SLC1A2: variants seen among roughly 807,000 people sequenced by gnomAD.
SLC1A2 encodes the protein solute carrier family 1 member 2.
Under a neutral mutation model 48.8 loss-of-function variants are expected in SLC1A2, and 15 were observed. That is an observed-to-expected ratio of 0.31 (90% CI 0.21 to 0.47). The LOEUF is 0.47. Among genes scored for constraint, SLC1A2 ranks in the 20% least tolerant of loss-of-function variants. The probability of loss-of-function intolerance (pLI) is 0.99; values close to 1 mark genes in which losing one functional copy is unlikely to be tolerated. For synonymous variants in SLC1A2, 279 were observed against 272.6 expected (o/e 1.02, Z -0.23); for missense variants, 502 against 730.5 (o/e 0.69, Z 3.61).
rs1256347174 is a variant in SLC1A2, at chr11:35,258,628, C to T, written c.*2266G>A. On this transcript the variant is annotated 3_prime_UTR_variant, in exon 11 of 11. Transcript: ENST00000278379. Reference sequence around the variant, plus strand: ...TAAACCCAGGAACTGTCTCCTTAACCTATAACATTTGCTGTAAAGAATGTA... The same window carrying T: ...TAAACCCAGGAACTGTCTCCTTAACTTATAACATTTGCTGTAAAGAATGTA... 6.6e-6 allele frequency: 1 copy of T among 152,568 alleles called. No individual in the cohort carries two copies. Among genetic ancestry groups the T allele is most frequent in the East Asian group, 1.9e-4 (1 of 5,196 alleles). The allele number at this position is 152,568 out of a possible 1,614,324, so 9.5% of individuals were successfully genotyped here. A position where few individuals can be genotyped will look rare whatever the true frequency, so the allele number is the denominator to read the frequency against.
Position 35,254,283 on chromosome 11 carries a change from T to A in SLC1A2, c.*6611A>T, listed in dbSNP as rs1950283744. On this transcript the variant is annotated 3_prime_UTR_variant, in exon 11 of 11. Transcript: ENST00000278379. ...ATAATCTGATCTGTGTTGTGCAACA[T>A]GGAGATGCAATGCTGAGGTTTTCCA... 1 of 155,414 alleles carries A rather than the reference T, an allele frequency of 6.4e-6. No individual in the cohort carries two copies. Among genetic ancestry groups the A allele is most frequent in the South Asian group, 2.0e-4 (1 of 5,064 alleles). 9.6% of individuals were successfully genotyped at this position (155,414 alleles called of 1,614,324 possible). A position where few individuals can be genotyped will look rare whatever the true frequency, so the allele number is the denominator to read the frequency against.
chr11:35,378,634 A>C (rs894174208), intron 1 of SLC1A2, among the ~76,000 whole-genome samples: 5 of 152,236 alleles, frequency 3.3e-5, no homozygotes, highest in African/African-American at 1.2e-4. Context: ...TGAAAAAATA[A>C]GTCTGCCTGT....
intron 10 of SLC1A2, chr11:35,261,612 AC>A (rs1276579382): frequency 2.5e-6 from 1 of 398,324 alleles, no homozygotes. Flanking sequence ...AGTGAACTGA[AC>A]CTTTTTGCAG....
intron 7 of SLC1A2, among the ~76,000 whole-genome samples, chr11:35,287,537 G>C (rs1850866673): frequency 6.6e-6 from 1 of 152,216 alleles, no homozygotes; most frequent in Non-Finnish European, 1.5e-5. Context: ...GAACCTCACA[G>C]ATAGTCCAAC....
intron 2 of SLC1A2, chr11:35,315,808 A>AAAAAAAAAAAG (rs371762829): frequency 7.2e-6 from 1 of 139,366 alleles, no homozygotes; most frequent in African/African-American, 2.7e-5. Flanking sequence ...AAAAAAAAAA[A>AAAAAAAAAAAG]AAAGAAAGAA....
chr11:35,288,952 A>G (rs903922946), intron 7 of SLC1A2, among the ~76,000 whole-genome samples: 40 of 152,248 alleles, frequency 2.6e-4, no homozygotes, highest in African/African-American at 8.4e-4. Context: ...TCAAACTAGG[A>G]CTTGAGAATT....
chr11:35,419,784 C>A (rs1240544888), upstream of SLC1A2: 1 of 312,948 alleles, frequency 3.2e-6, no homozygotes, highest in Admixed American at 4.2e-5. The surrounding 1 kb of genome is among the most constrained non-coding windows in gnomAD (Gnocchi z 5.4). Flanking sequence ...CAGGTCACCC[C>A]GTGCGGGGTG....
intron 7 of SLC1A2, among the ~76,000 whole-genome samples, chr11:35,289,723 C>T (rs1850935044): frequency 6.6e-6 from 1 of 152,102 alleles, no homozygotes; most frequent in Non-Finnish European, 1.5e-5. Flanking sequence ...GAAGCTATTC[C>T]TAAGCAAAAT....
intron 1 of SLC1A2, among the ~76,000 whole-genome samples, chr11:35,382,812 C>T (rs952646193): frequency 2.6e-5 from 4 of 151,892 alleles, no homozygotes; most frequent in African/African-American, 9.7e-5. Flanking sequence ...AAAAAAAAGT[C>T]CTCCTAAAGG....
At position 35,306,111 on chromosome 11, in the gene SLC1A2, C is replaced by A. The variant is rs138489411; in HGVS notation, c.693G>T (p.Lys231Asn). 2.5e-6 allele frequency: 4 copies of A among 1,613,942 alleles called. No individual in the cohort carries two copies. The highest frequency in any genetic ancestry group is 3.4e-6 in the Non-Finnish European group (4 of 1,179,948). The stretch of plus-strand genomic sequence containing the variant: ...TCCCATCCTTGAACTCCAGGCCCTT[C>A]TTGATAACCATCTTAGTCTCCTCCG... ...EVPEETKMVI[K>N]KGLEFKDGMN... is the part of the protein sequence containing the mutation. The change falls in exon 5 of 11, where the codon AAG becomes AAT. Residue 231 changes from lysine (K) to asparagine (N), a missense_variant. By Grantham distance (94) the Lys-to-Asn change is moderately conservative (BLOSUM62 0). This residue lies in a region of SLC1A2 where 309 missense variants were observed against 480.3 expected (regional missense o/e 0.64). Coordinates refer to ENST00000278379, the MANE Select transcript of SLC1A2 (RefSeq NM_004171.4).
At chr11:35,333,428 A>T (rs1352266823) in intron 1 of SLC1A2, among the ~76,000 whole-genome samples, 1 of 151,678 alleles carries the variant, frequency 6.6e-6, no homozygotes, top group Non-Finnish European at 1.5e-5. Flanking sequence ...GGAAAAAAAA[A>T]AAAAGCAAAA....
chr11:35,279,941 T>A (rs1003419627), intron 9 of SLC1A2, among the ~76,000 whole-genome samples: 7 of 152,240 alleles, frequency 4.6e-5, no homozygotes, highest in African/African-American at 1.7e-4. Context: ...ACTATGCTTT[T>A]ATGTGTGTGC....
At chr11:35,357,836 G>C (rs1351535626) in intron 1 of SLC1A2, among the ~76,000 whole-genome samples, 5 of 152,140 alleles carry the variant, frequency 3.3e-5, no homozygotes, top group African/African-American at 1.2e-4. Context: ...AATGGTTTAA[G>C]TTCTTTTTCT....
intron 1 of SLC1A2, among the ~76,000 whole-genome samples, chr11:35,347,623 A>G (rs1184797450): frequency 3.3e-5 from 5 of 152,214 alleles, no homozygotes; most frequent in Non-Finnish European, 4.4e-5. Context: ...CTTGCTTTCA[A>G]TAGTTTGCAT....
Position 35,325,823 on chromosome 11 carries a change from G to A in SLC1A2, c.18-8307C>T, listed in dbSNP as rs187828204. Among the ~76,000 whole-genome samples, 562 of 152,074 alleles carry A rather than the reference G, an allele frequency of 3.7e-3. 3 individuals are homozygous for A. Among genetic ancestry groups the A allele is most frequent in the Middle Eastern group, 6.8e-3 (2 of 294 alleles). ...ACTAAAAATACAAAAAATTAGCTGG[G>A]TATGGTGGCAGGCACCTGTAATCCC... On this transcript the variant is annotated intron_variant, in intron 1 of 10. Coordinates refer to ENST00000278379, the MANE Select transcript of SLC1A2 (RefSeq NM_004171.4).
chr11:35,295,053 A>C (rs965817899), intron 6 of SLC1A2, among the ~76,000 whole-genome samples: 3 of 151,722 alleles, frequency 2.0e-5, no homozygotes, highest in African/African-American at 7.3e-5. Context: ...TTTTTATTTT[A>C]TTTTTATATT....
intron 1 of SLC1A2, among the ~76,000 whole-genome samples, chr11:35,362,742 C>A (rs1383249995): frequency 6.6e-6 from 1 of 152,182 alleles, no homozygotes; most frequent in African/African-American, 2.4e-5. Flanking sequence ...AGCAACTTTG[C>A]TTTTGAGAGT....
intron 7 of SLC1A2, among the ~76,000 whole-genome samples, chr11:35,288,177 G>A (rs1020895196): frequency 1.3e-5 from 2 of 152,132 alleles, no homozygotes; most frequent in Admixed American, 6.5e-5. Context: ...CCTAAAACTA[G>A]GGATGCGAGA....
At chr11:35,325,650 T>C (rs1225943921) in intron 1 of SLC1A2, among the ~76,000 whole-genome samples, 1 of 152,018 alleles carries the variant, frequency 6.6e-6, no homozygotes, top group African/African-American at 2.4e-5. Flanking sequence ...TGGTTTCAAG[T>C]GGGGAAGTCA....
Sources: allele counts gnomAD v4.1 joint callset (sites outside exome capture counted in the v4.1 genomes callset), GRCh38; gene constraint gnomAD v4.1.1; regional missense constraint gnomAD v4.1.1; non-coding constraint Gnocchi (gnomAD v3.1); transcripts MANE v1.5; gene names NCBI Gene and HGNC (gene_info 2026-07-23, HGNC 2026-07-21).